TOM1L2: variants seen among roughly 807,000 people sequenced by gnomAD.
The protein encoded by TOM1L2 is TOM1-like protein 2.
A neutral mutation model predicts 67.9 loss-of-function variants in TOM1L2; 31 were observed. That is an observed-to-expected ratio of 0.46 (90% confidence interval 0.34 to 0.62). The LOEUF (loss-of-function observed/expected upper bound fraction) is 0.62, where lower values mean the gene tolerates loss of function less well. TOM1L2 is among the 20% of genes least tolerant of loss of function. The pLI is 0.01. For synonymous variants in TOM1L2, 256 were observed against 254.0 expected, an observed-to-expected ratio of 1.01 and a Z score of -0.07; for missense variants, 606 against 663.5, an observed-to-expected ratio of 0.91 and a Z score of 0.95.
At position 17,847,508 on chromosome 17, in the gene TOM1L2, G is replaced by A; in HGVS notation, c.*127C>T. ...AGTGGGAGGCCTGGGAGCAGACACGGTGGCATTTCCATGGAAACACAGGTG... is the reference window on the plus strand; with the variant it reads ...AGTGGGAGGCCTGGGAGCAGACACGATGGCATTTCCATGGAAACACAGGTG... On this transcript the variant is annotated 3_prime_UTR_variant, in exon 15 of 15. Transcript: ENST00000379504. 3 of 1,291,018 alleles carry A rather than the reference G, an allele frequency of 2.3e-6. No homozygotes were observed. Among genetic ancestry groups the A allele is most frequent in the Admixed American group, 2.5e-5 (1 of 39,364 alleles). 80.0% of individuals were successfully genotyped at this position (1,291,018 alleles called of 1,614,324 possible).
chr17:17,956,107 A>G (rs8070748), intron 1 of TOM1L2, among the ~76,000 whole-genome samples: 74,314 of 152,098 alleles, frequency 0.49, 19,198 homozygotes, highest in East Asian at 0.86. Flanking sequence ...CCCCCGCACG[A>G]AAAAGGACCC....
intron 7 of TOM1L2, among the ~76,000 whole-genome samples, chr17:17,874,656 C>T (rs2037330470): frequency 6.6e-6 from 1 of 152,196 alleles, no homozygotes; most frequent in Non-Finnish European, 1.5e-5. Flanking sequence ...GAAGAATGAG[C>T]CCCAAGGGCA....
At chr17:17,970,040 TTTG>T (rs924796669) in intron 1 of TOM1L2, among the ~76,000 whole-genome samples, 8 of 151,962 alleles carry the variant, frequency 5.3e-5, no homozygotes, top group South Asian at 2.1e-4. Context: ...TATTTGGTTT[TTTG>T]TTGTTGTTGT....
Position 17,843,825 on chromosome 17 carries a change from G to A in TOM1L2, c.*3810C>T, listed in dbSNP as rs1219541453. The A allele has an allele frequency of 6.6e-6, 1 of 152,436 alleles. No homozygotes were observed. The highest frequency in any genetic ancestry group is 2.4e-5 in the African/African-American group (1 of 41,468). 9.4% of individuals were successfully genotyped at this position (152,436 alleles called of 1,614,324 possible). A position where few individuals can be genotyped will look rare whatever the true frequency, so the allele number is the denominator to read the frequency against. On this transcript the variant is annotated 3_prime_UTR_variant, in exon 15 of 15. Coordinates refer to ENST00000379504, the MANE Select transcript of TOM1L2 (RefSeq NM_001082968.2). ...CCGTCCCCCTCTCCGGGAGAGCCTG[G>A]AGGTATGGACAGACAGAAGCAGTTC...
At chr17:17,880,528 A>T (rs1475537517) in intron 6 of TOM1L2, among the ~76,000 whole-genome samples, 1 of 152,160 alleles carries the variant, frequency 6.6e-6, no homozygotes, top group African/African-American at 2.4e-5. Flanking sequence ...AACCACAGGG[A>T]CCTTCCTTGC....
At chr17:17,853,456 G>A (rs1433155049) in intron 12 of TOM1L2, among the ~76,000 whole-genome samples, 2 of 152,112 alleles carry the variant, frequency 1.3e-5, no homozygotes, top group Non-Finnish European at 2.9e-5. Context: ...TGAGGCCTGG[G>A]GTCATACTTT....
At chr17:17,935,213 T>C (rs2040472948) in intron 1 of TOM1L2, among the ~76,000 whole-genome samples, 1 of 152,248 alleles carries the variant, frequency 6.6e-6, no homozygotes, top group Admixed American at 6.5e-5. Context: ...ACAAGTTGGA[T>C]GCTGTTAACT....
chr17:17,854,685 T>C (rs533536585), intron 12 of TOM1L2, among the ~76,000 whole-genome samples: 18 of 150,554 alleles, frequency 1.2e-4, no homozygotes, highest in Admixed American at 4.0e-4. Context: ...CCACCACACC[T>C]GCCTAATTTT....
At chr17:17,897,328 A>G (rs1476805593) in intron 3 of TOM1L2, among the ~76,000 whole-genome samples, 1 of 152,180 alleles carries the variant, frequency 6.6e-6, no homozygotes, top group East Asian at 1.9e-4. Context: ...TTTCTCCTTT[A>G]TTATTCAAAT....
At chr17:17,923,818 G>C (rs2039977114) in intron 1 of TOM1L2, among the ~76,000 whole-genome samples, 1 of 152,102 alleles carries the variant, frequency 6.6e-6, no homozygotes, top group Non-Finnish European at 1.5e-5. Context: ...CAGTCTGAGA[G>C]ACAGAGCAAG....
intron 1 of TOM1L2, among the ~76,000 whole-genome samples, chr17:17,915,922 T>C (rs1449000821): frequency 1.3e-5 from 2 of 151,702 alleles, no homozygotes; most frequent in East Asian, 3.9e-4. Flanking sequence ...TTTATGGTTG[T>C]CTTTTCACTC....
At chr17:17,899,096 G>A (rs536581889) in intron 2 of TOM1L2, among the ~76,000 whole-genome samples, 9 of 152,336 alleles carry the variant, frequency 5.9e-5, no homozygotes, top group Admixed American at 2.6e-4. Context: ...AACCAAAGGC[G>A]GAGGGAGGTT....
At chr17:17,943,560 G>A (rs1230810804) in intron 1 of TOM1L2, among the ~76,000 whole-genome samples, 1 of 152,182 alleles carries the variant, frequency 6.6e-6, no homozygotes, top group Non-Finnish European at 1.5e-5. Context: ...GCATGGAAAG[G>A]GGAGCCCGAA....
intron 10 of TOM1L2, 133 bp from the exon 11 acceptor site, chr17:17,862,981 G>T (rs2036644284): frequency 3.0e-6 from 2 of 668,172 alleles, no homozygotes; most frequent in African/African-American, 3.6e-5. Flanking sequence ...GACTTTCCTT[G>T]GTACTCCCAG....
At chr17:17,945,508 T>C (rs1396051066) in intron 1 of TOM1L2, among the ~76,000 whole-genome samples, 2 of 152,172 alleles carry the variant, frequency 1.3e-5, no homozygotes, top group Non-Finnish European at 2.9e-5. Flanking sequence ...ACCACAGATC[T>C]GCTATTGATG....
chr17:17,947,547 G>A (rs911489728), intron 1 of TOM1L2, among the ~76,000 whole-genome samples: 1 of 152,298 alleles, frequency 6.6e-6, no homozygotes, highest in Admixed American at 6.5e-5. Flanking sequence ...GGCAAGCCAC[G>A]GAAAGAGGCT....
In TOM1L2 at chr17:17,893,846, T is replaced by C. The variant is rs755652930; in HGVS notation, c.217-36A>G. 8.1e-6 allele frequency: 13 copies of C among 1,603,190 alleles called. No individual in the cohort carries two copies. In the South Asian group the frequency reaches 1.3e-4, roughly 17 times the overall value. ...GAGGGAAGGAAAAGGGTCACCCCAG[T>C]GGGAGCTGGAGAAGACACTGGGAAC... On this transcript the variant is annotated intron_variant, in intron 3 of 14. Coordinates refer to ENST00000379504, the MANE Select transcript of TOM1L2 (RefSeq NM_001082968.2).
chr17:17,900,288 GAT>G (rs1385543589), intron 2 of TOM1L2, among the ~76,000 whole-genome samples: 1 of 151,746 alleles, frequency 6.6e-6, no homozygotes, highest in African/African-American at 2.4e-5. Context: ...GGGAGGCCGA[GAT>G]GGGTGGATCA....
chr17:17,915,837 GTA>G (rs1205184338), intron 1 of TOM1L2, among the ~76,000 whole-genome samples: 23 of 128,642 alleles, frequency 1.8e-4, no homozygotes, highest in African/African-American at 6.3e-4. Context: ...TTTAAACTGA[GTA>G]GGTTTTTTTT....
Sources: allele counts gnomAD v4.1 joint callset (sites outside exome capture counted in the v4.1 genomes callset), GRCh38; gene constraint gnomAD v4.1.1; transcripts MANE v1.5; gene names NCBI Gene and HGNC (gene_info 2026-07-23, HGNC 2026-07-21).